NPHP3: variants seen among roughly 807,000 people sequenced by gnomAD.
NPHP3 encodes nephrocystin 3, also known as nephrocystin-3.
NPHP3 carries 123 observed loss-of-function variants against 171.9 expected under a neutral mutation model. That is an observed-to-expected ratio of 0.72 (90% CI 0.62 to 0.83). The LOEUF is 0.83. Ranked by LOEUF, NPHP3 falls within the 40% of genes least tolerant of loss-of-function variation. The probability of loss-of-function intolerance (pLI) is 0.00; values close to 1 mark genes in which losing one functional copy is unlikely to be tolerated. For missense variants in NPHP3, 1,506 were observed against 1,591.9 expected, an observed-to-expected ratio of 0.95 and a Z score of 0.92; for synonymous variants, 558 against 579.2, an observed-to-expected ratio of 0.96 and a Z score of 0.52.
At chr3:132,707,716 T>C (rs1158866304) in intron 7 of NPHP3, among the ~76,000 whole-genome samples, 1 of 152,130 alleles carries the variant, frequency 6.6e-6, no homozygotes, top group Non-Finnish European at 1.5e-5. Flanking sequence ...ACCACCACCC[T>C]GCTTGGAGTC....
At chr3:132,718,241 T>A (rs141471062) in intron 3 of NPHP3, 3 of 278,016 alleles carry the variant, frequency 1.1e-5, no homozygotes, top group South Asian at 9.1e-5. Flanking sequence ...CACTGCATTT[T>A]AAAATAGAAT....
At chr3:132,703,569 T>C (rs1428632198) in intron 9 of NPHP3, among the ~76,000 whole-genome samples, 1 of 150,894 alleles carries the variant, frequency 6.6e-6, no homozygotes, top group Non-Finnish European at 1.5e-5. Context: ...TTTCTTTTCT[T>C]TCTTTCTTTC....
At chr3:132,713,343 G>T in intron 5 of NPHP3, 57 bp from the exon 6 acceptor site, 1 of 1,160,934 alleles carries the variant, frequency 8.6e-7, no homozygotes, top group Non-Finnish European at 1.2e-6. Context: ...GATCAAGTGA[G>T]ATTCATACTA....
Position 132,690,555 on chromosome 3 carries a change from A to G in NPHP3, c.2666T>C (p.Leu889Pro), listed in dbSNP as rs747876996. ...KQKLHDCLLN[L>P]FVSQNLYKRG... is the part of the protein sequence containing the mutation. ...TTTATAAAGGTTTTGAGACACAAAG[A>G]GATTAAGAAGGCAATCATGCAGCTT... Residue 889 changes from leucine to proline, a missense_variant, in exon 19 of 27, where the codon CTC (leucine) becomes CCC (proline). Physicochemically the swap from Leu to Pro is moderately conservative, Grantham distance 98 (BLOSUM62 -3). This residue lies in a region of NPHP3 where 569 missense variants were observed against 648.1 expected (regional missense o/e 0.88). Transcript: ENST00000337331. 2 of 1,613,564 alleles carry G rather than the reference A, an allele frequency of 1.2e-6. No individual in the cohort carries two copies. Among genetic ancestry groups the G allele is most frequent in the African/African-American group, 2.7e-5 (2 of 74,906 alleles).
At position 132,694,940 on chromosome 3, in the gene NPHP3, T is replaced by C. The variant is rs150593334; in HGVS notation, c.2197A>G (p.Lys733Glu). ...CACTGGAAACACTGATGAAGGATTTTATCTAAATTGCCTGCTCTCCCAGCA... is the reference window on the plus strand; with the variant it reads ...CACTGGAAACACTGATGAAGGATTTCATCTAAATTGCCTGCTCTCCCAGCA... ...ARAGRAGNLD[K>E]ILHQCFQCQD... The change falls in exon 16 of 27, where the codon AAA becomes GAA. Residue 733 changes from lysine to glutamate, a missense_variant. Physicochemically the swap from Lys to Glu is moderately conservative, Grantham distance 56 (BLOSUM62 1). This residue lies in a region of NPHP3 where 930 missense variants were observed against 924.9 expected (regional missense o/e 1.01). Coordinates refer to ENST00000337331, the MANE Select transcript of NPHP3 (RefSeq NM_153240.5). The C allele has an allele frequency of 3.7e-6, 6 of 1,613,796 alleles. No individual in the cohort carries two copies. The African/African-American group carries it at 8.0e-5, about 22-fold the overall frequency.
chr3:132,689,177 T>C lies in NPHP3; in HGVS notation c.2780A>G (p.Lys927Arg). 6.2e-7 allele frequency: 1 copy of C among 1,614,168 alleles called. No homozygotes were observed. The highest frequency in any genetic ancestry group is 8.5e-7 in the Non-Finnish European group (1 of 1,180,002). ...AMATEYFDSL[K>R]QYEKNCEGED... ...GCCTTCGCAGTTTTTCTCATACTGC[T>C]TCAATGAATCGAAGTATTCTGTTGC... The change falls in exon 20 of 27, where the codon AAG (lysine) becomes AGG (arginine). Residue 927 changes from lysine (K) to arginine (R), a missense_variant. Lys to Arg is a conservative substitution (Grantham distance 26). Around this residue, in one of 3 missense-constraint regions of NPHP3, gnomAD observed 569 missense variants for 648.1 expected, o/e 0.88. Coordinates refer to ENST00000337331, the MANE Select transcript of NPHP3 (RefSeq NM_153240.5).
Position 132,700,297 on chromosome 3 carries a change from A to G in NPHP3, c.1743+37T>C, listed in dbSNP as rs145285316. 3.7e-3 allele frequency: 5,406 copies of G among 1,451,696 alleles called. 23 individuals are homozygous for G. Among genetic ancestry groups the G allele is most frequent in the Non-Finnish European group, 4.0e-3 (4,164 of 1,033,530 alleles). 89.9% of individuals were successfully genotyped at this position (1,451,696 alleles called of 1,614,324 possible). ...TAGTCCCAACAATTTCTGAATCTAA[A>G]TAAAATTCTGTAATTCCAAAAGATG... On this transcript the variant is annotated intron_variant, in intron 11 of 26. Coordinates refer to ENST00000337331, the MANE Select transcript of NPHP3 (RefSeq NM_153240.5).
At chr3:132,682,286 C>T (rs1489228758) in intron 26 of NPHP3, 196 bp from the exon 27 acceptor site, 2 of 609,456 alleles carry the variant, frequency 3.3e-6, no homozygotes, top group Non-Finnish European at 5.8e-6. Context: ...ATTTTTGTGT[C>T]TCATATGGAT....
chr3:132,700,249 T>C (rs1466863016), intron 11 of NPHP3, 85 bp downstream of exon 11: 1 of 1,191,266 alleles, frequency 8.4e-7, no homozygotes, highest in Non-Finnish European at 1.2e-6. Flanking sequence ...ATACTGAAAA[T>C]TGGTTTACCA....
intron 10 of NPHP3, 140 bp downstream of exon 10, chr3:132,701,290 T>A (rs531535140): frequency 1.5e-6 from 1 of 651,134 alleles, no homozygotes; most frequent in African/African-American, 1.8e-5. Context: ...TTTCAGGGCA[T>A]GAACCTATTG....
At chr3:132,707,990 A>C (rs1939798785) in intron 7 of NPHP3, 111 bp downstream of exon 7, 4 of 1,013,336 alleles carry the variant, frequency 3.9e-6, no homozygotes, top group Middle Eastern at 2.0e-4. Flanking sequence ...TTCCAGCCAC[A>C]CTGGTTTCTC....
intron 15 of NPHP3, among the ~76,000 whole-genome samples, chr3:132,696,029 T>C (rs1478822930): frequency 2.6e-5 from 4 of 152,016 alleles, no homozygotes; most frequent in Non-Finnish European, 5.9e-5. Context: ...GAACATGGAA[T>C]AAAGAGACAA....
At chr3:132,693,549 A>C (rs560668074) in intron 16 of NPHP3, 1 of 152,352 alleles carries the variant, frequency 6.6e-6, no homozygotes, top group South Asian at 2.1e-4. Flanking sequence ...AAACCCTGGG[A>C]ACCACCAAGC....
chr3:132,699,299 G>T (rs1939541444), intron 13 of NPHP3, 54 bp downstream of exon 13: 1 of 1,249,040 alleles, frequency 8.0e-7, no homozygotes, highest in South Asian at 1.2e-5. Flanking sequence ...ATCTTTCCTT[G>T]TTTGTACTTA....
Position 132,722,408 on chromosome 3 carries a change from A to G in NPHP3, c.-53T>C, listed in dbSNP as rs1940263935. 2.9e-6 allele frequency: 4 copies of G among 1,381,080 alleles called. No individual in the cohort carries two copies. Among genetic ancestry groups the G allele is most frequent in the African/African-American group, 1.6e-5 (1 of 63,754 alleles). The allele number at this position is 1,381,080 out of a possible 1,614,324, so 85.6% of individuals were successfully genotyped here. On this transcript the variant is annotated 5_prime_UTR_variant, in exon 1 of 27. Transcript: ENST00000337331. ...AGTACCAGCAGGACTGGGCAGCGGAACGGAACGGGACGGGGTGGGGCAGAG... is the reference window on the plus strand; with the variant it reads ...AGTACCAGCAGGACTGGGCAGCGGAGCGGAACGGGACGGGGTGGGGCAGAG...
chr3:132,697,335 G>C lies in NPHP3; in HGVS notation c.2013C>G (p.Pro671=). Residue 671 remains proline, a synonymous_variant, in exon 14 of 27, where the codon CCC becomes CCG. Transcript: ENST00000337331. ...WRLWPTLHLD[P]LSPKDAKSII... ...TAGATTTTGCATCTTTTGGACTTAAGGGATCAAGATGAAGTGTAGGCCACA... is the reference window on the plus strand; with the variant it reads ...TAGATTTTGCATCTTTTGGACTTAACGGATCAAGATGAAGTGTAGGCCACA... 6.2e-7 allele frequency: 1 copy of C among 1,611,568 alleles called. No homozygotes were observed.
At chr3:132,689,806 G>A (rs1939253964) in intron 19 of NPHP3, among the ~76,000 whole-genome samples, 1 of 152,120 alleles carries the variant, frequency 6.6e-6, no homozygotes, top group Non-Finnish European at 1.5e-5. Flanking sequence ...GTAGTATGGG[G>A]CTGGTAAACT....
At chr3:132,710,195 T>C (rs1457095200) in intron 6 of NPHP3, among the ~76,000 whole-genome samples, 1 of 152,018 alleles carries the variant, frequency 6.6e-6, no homozygotes, top group Non-Finnish European at 1.5e-5. Flanking sequence ...GACAAAAATG[T>C]AGGGGAGGAG....
Position 132,688,687 on chromosome 3 carries a change from G to A in NPHP3, c.3088C>T (p.Leu1030Phe), listed in dbSNP as rs1436480432. 5 of 1,614,092 alleles carry A rather than the reference G, an allele frequency of 3.1e-6. No homozygotes were observed. The highest frequency in any genetic ancestry group is 4.2e-6 in the Non-Finnish European group (5 of 1,179,948). The change falls in exon 21 of 27, where the codon CTT (leucine) becomes TTT (phenylalanine). Residue 1030 changes from leucine (L) to phenylalanine (F), a missense_variant. Transcript: ENST00000337331. ...TGGTACAAAGTTGCAAGTGCTTCAA[G>A]TTCACGAGCAGTATATGGATGGTCC... ...GADHPYTARELEALATLYQKQ... is the reference protein window; with the variant it reads ...GADHPYTAREFEALATLYQKQ...
Sources: allele counts gnomAD v4.1 joint callset (sites outside exome capture counted in the v4.1 genomes callset), GRCh38; gene constraint gnomAD v4.1.1; regional missense constraint gnomAD v4.1.1; transcripts MANE v1.5; gene names NCBI Gene and HGNC (gene_info 2026-07-23, HGNC 2026-07-21).